AKAP7: variants seen among roughly 807,000 people sequenced by gnomAD.
AKAP7 encodes the protein A-kinase anchoring protein 7.
AKAP7 carries 39 observed loss-of-function variants against 39.5 expected under a neutral mutation model. The ratio of observed to expected loss-of-function variants is 0.99; its 90% CI spans 0.76 to 1.29. The LOEUF (loss-of-function observed/expected upper bound fraction) is 1.29. Among genes scored for constraint, AKAP7 ranks in the 50% most tolerant of loss-of-function variants. The pLI is 0.00. For missense variants in AKAP7, 414 were observed against 407.7 expected (o/e 1.02, Z -0.13); for synonymous variants, 140 against 139.1 (o/e 1.01, Z -0.05).
At chr6:131,257,155 G>A (rs1812931157) in intron 7 of AKAP7, among the ~76,000 whole-genome samples, 1 of 152,008 alleles carries the variant, frequency 6.6e-6, no homozygotes, top group Admixed American at 6.6e-5. Context: ...ACTGTGCTTG[G>A]CATATAATAG....
intron 6 of AKAP7, among the ~76,000 whole-genome samples, chr6:131,210,337 G>A (rs1353315714): frequency 6.6e-6 from 1 of 152,192 alleles, no homozygotes. Flanking sequence ...AAGGTTGTTG[G>A]CCTCTTTGCC....
chr6:131,165,861 C>A (rs769815167), intron 4 of AKAP7, among the ~76,000 whole-genome samples: 2 of 152,162 alleles, frequency 1.3e-5, no homozygotes, highest in Non-Finnish European at 2.9e-5. Flanking sequence ...CTTATCCGTA[C>A]TTAGATTTTC....
chr6:131,281,115 A>C lies in AKAP7; in HGVS notation c.851-415A>C, dbSNP rs1815159324. Among the ~76,000 whole-genome samples, 1 of 152,220 alleles carries C rather than the reference A, an allele frequency of 6.6e-6. No individual in the cohort carries two copies. Among genetic ancestry groups the C allele is most frequent in the African/African-American group, 2.4e-5 (1 of 41,454 alleles). ...TAGTGATCTTAAGTAATGAGATGCTAGGGAAATCTTGATGACCTGATATTT... is the reference window on the plus strand; with the variant it reads ...TAGTGATCTTAAGTAATGAGATGCTCGGGAAATCTTGATGACCTGATATTT... On this transcript the variant is annotated intron_variant, in intron 7 of 7. Transcript: ENST00000431975. The surrounding 1 kb of genome is among the most constrained non-coding windows in gnomAD (Gnocchi z 4.0).
At chr6:131,275,060 G>C (rs189182470) in intron 7 of AKAP7, among the ~76,000 whole-genome samples, 5 of 152,156 alleles carry the variant, frequency 3.3e-5, no homozygotes, top group Admixed American at 3.3e-4. Flanking sequence ...CTTGTGTGTG[G>C]TCAGAGACTG....
chr6:131,258,742 ATGT>A (rs1321464841), intron 7 of AKAP7, among the ~76,000 whole-genome samples: 3 of 152,242 alleles, frequency 2.0e-5, no homozygotes, highest in South Asian at 2.1e-4. Context: ...TAGAACATAA[ATGT>A]TGTTAATTTT....
At chr6:131,140,777 C>T (rs946997473) in intron 1 of AKAP7, among the ~76,000 whole-genome samples, 4 of 152,140 alleles carry the variant, frequency 2.6e-5, no homozygotes, top group African/African-American at 9.7e-5. Context: ...CAGTGGTGAT[C>T]CTTTATGTGT....
intron 7 of AKAP7, chr6:131,250,644 C>A: frequency 1.2e-6 from 2 of 1,610,314 alleles, no homozygotes; most frequent in Non-Finnish European, 8.5e-7. Context: ...TGTGCAGAAT[C>A]CTAAGTGCTT....
chr6:131,168,760 G>A (rs1803747983), intron 4 of AKAP7, among the ~76,000 whole-genome samples: 1 of 152,140 alleles, frequency 6.6e-6, no homozygotes, highest in African/African-American at 2.4e-5. Flanking sequence ...ATAATCTAAT[G>A]TAAGCTCTTG....
intron 4 of AKAP7, among the ~76,000 whole-genome samples, chr6:131,168,699 T>C (rs1387858556): frequency 3.9e-5 from 6 of 152,196 alleles, no homozygotes; most frequent in Non-Finnish European, 8.8e-5. Context: ...CTCACAAATA[T>C]ATGTACTGTA....
intron 4 of AKAP7, among the ~76,000 whole-genome samples, chr6:131,167,855 GC>G (rs1451339045): frequency 1.3e-5 from 2 of 152,148 alleles, no homozygotes; most frequent in Non-Finnish European, 2.9e-5. Flanking sequence ...CAAGAAAAAT[GC>G]TGATTTTTTC....
chr6:131,135,839 G>A (rs1374747867), intron 1 of AKAP7, 57 bp downstream of exon 1: 1 of 1,225,754 alleles, frequency 8.2e-7, no homozygotes, highest in East Asian at 3.2e-5. Flanking sequence ...GCGGGGGCCT[G>A]GGCCTGCTCT....
intron 2 of AKAP7, among the ~76,000 whole-genome samples, chr6:131,155,429 A>G (rs1004033592): frequency 7.2e-5 from 11 of 152,322 alleles, no homozygotes; most frequent in African/African-American, 2.4e-4. Flanking sequence ...ATTACTCTAA[A>G]GTATCTATTA....
the AKAP7 span, among the ~76,000 whole-genome samples, chr6:131,125,958 T>C: frequency 1.3e-5 from 2 of 152,240 alleles, no homozygotes; most frequent in Non-Finnish European, 1.5e-5. Flanking sequence ...ATGATCTCTG[T>C]GATAGCTTGT....
intron 7 of AKAP7, among the ~76,000 whole-genome samples, chr6:131,257,981 C>CT (rs1221720497): frequency 2.0e-5 from 3 of 152,112 alleles, no homozygotes; most frequent in African/African-American, 7.2e-5. Context: ...AATTAATACA[C>CT]TTTTTTTGTT....
Position 131,283,279 on chromosome 6 carries a change from C to T in AKAP7, c.*1553C>T, listed in dbSNP as rs1815338913. The T allele has an allele frequency of 6.6e-6, 1 of 152,566 alleles. No individual in the cohort carries two copies. The highest frequency in any genetic ancestry group is 1.5e-5 in the Non-Finnish European group (1 of 68,020). 9.5% of individuals were successfully genotyped at this position (152,566 alleles called of 1,614,324 possible). ...CCATCTGAACTTGTTTGCACTGCTT[C>T]TGTTTGAAAGAGCATCTTGAAAAAC... is the stretch of plus-strand genomic sequence containing the variant. On this transcript the variant is annotated 3_prime_UTR_variant, in exon 8 of 8. Coordinates refer to ENST00000431975, the MANE Select transcript of AKAP7 (RefSeq NM_016377.4).
intron 4 of AKAP7, among the ~76,000 whole-genome samples, chr6:131,168,648 AT>A (rs757240522): frequency 6.6e-5 from 10 of 152,238 alleles, no homozygotes; most frequent in Admixed American, 2.6e-4. Context: ...AGAGACTGTT[AT>A]ATTTTAAGGG....
intron 7 of AKAP7, among the ~76,000 whole-genome samples, chr6:131,256,811 A>AGCCG (rs1297095103): frequency 6.6e-6 from 1 of 151,926 alleles, no homozygotes; most frequent in African/African-American, 2.4e-5. Context: ...GAGTATTGGG[A>AGCCG]TTATAGATGT....
At chr6:131,147,362 T>G (rs1021899884) in intron 2 of AKAP7, among the ~76,000 whole-genome samples, 2 of 152,160 alleles carry the variant, frequency 1.3e-5, no homozygotes, top group African/African-American at 4.8e-5. Context: ...AACGATTAAG[T>G]CTTTGGTATT....
At position 131,179,877 on chromosome 6, in the gene AKAP7, AAATAAATAAATAAATAAAT is replaced by A. The variant is rs1388701374; in HGVS notation, c.589+10622_589+10640del. ...GAAAAAGACCCTGTCTCAAATAAAT[AAATAAATAAATAAATAAAT>A]AATAAATAAATAAATAAGTTGTTAA... On this transcript the variant is annotated intron_variant, in intron 5 of 7. Transcript: ENST00000431975. 4.6e-5 allele frequency among the ~76,000 whole-genome samples: 7 copies of A among 150,882 alleles called. 1 individual carries two copies. The South Asian group carries it at 1.2e-3, about 27-fold the overall frequency.
Sources: allele counts gnomAD v4.1 joint callset (sites outside exome capture counted in the v4.1 genomes callset), GRCh38; gene constraint gnomAD v4.1.1; non-coding constraint Gnocchi (gnomAD v3.1); transcripts MANE v1.5; gene names NCBI Gene and HGNC (gene_info 2026-07-23, HGNC 2026-07-21).